Variants in BMPER observed in about 807,000 individuals in gnomAD.
BMPER encodes the protein BMP binding endothelial regulator.
A neutral mutation model predicts 87.3 loss-of-function variants in BMPER; 45 were observed. The observed-to-expected ratio is 0.52, with a 90% confidence interval of 0.41 to 0.66. BMPER has a LOEUF of 0.66. BMPER is among the 30% of genes least tolerant of loss of function. BMPER has a pLI of 0.00. For synonymous variants in BMPER, 326 were observed against 316.2 expected (o/e 1.03, Z -0.33); for missense variants, 784 against 867.5 (o/e 0.90, Z 1.21).
At chr7:33,997,870 C>T (rs770190467) in intron 6 of BMPER, among the ~76,000 whole-genome samples, 5 of 152,294 alleles carry the variant, frequency 3.3e-5, no homozygotes, top group East Asian at 1.9e-4. Context: ...TGCTTAGTGA[C>T]GTTTTTCCTA....
intron 6 of BMPER, among the ~76,000 whole-genome samples, chr7:33,992,262 G>T (rs1786244135): frequency 7.6e-6 from 1 of 131,202 alleles, no homozygotes. Context: ...AAGTCTCTTT[G>T]TAAGTCACTC....
At chr7:33,943,800 A>C (rs1356197958) in intron 3 of BMPER, among the ~76,000 whole-genome samples, 1 of 152,016 alleles carries the variant, frequency 6.6e-6, no homozygotes, top group Non-Finnish European at 1.5e-5. Flanking sequence ...CCCACTTCAC[A>C]CTGCAACATT....
At chr7:34,137,436 T>G (rs1388372732) in intron 13 of BMPER, among the ~76,000 whole-genome samples, 1 of 152,260 alleles carries the variant, frequency 6.6e-6, no homozygotes, top group African/African-American at 2.4e-5. Flanking sequence ...GAGGTTACTC[T>G]CTTTCACTCT....
At chr7:33,925,032 G>A (rs1784328278) in intron 2 of BMPER, among the ~76,000 whole-genome samples, 1 of 152,146 alleles carries the variant, frequency 6.6e-6, no homozygotes, top group East Asian at 1.9e-4. Context: ...TGTCCCGCTT[G>A]ATTTTCTCAG....
intron 6 of BMPER, among the ~76,000 whole-genome samples, chr7:34,036,404 G>T (rs2127953443): frequency 6.6e-6 from 1 of 152,264 alleles, no homozygotes; most frequent in East Asian, 1.9e-4. Flanking sequence ...GGATTTACTT[G>T]TTTATTTATT....
At chr7:34,122,500 A>G (rs556024524) in intron 13 of BMPER, among the ~76,000 whole-genome samples, 6 of 152,204 alleles carry the variant, frequency 3.9e-5, no homozygotes, top group Non-Finnish European at 8.8e-5. Flanking sequence ...ACCAGGGGTT[A>G]TAGAGATCAG....
At chr7:33,941,284 C>CT (rs1373916171) in intron 3 of BMPER, among the ~76,000 whole-genome samples, 5 of 148,120 alleles carry the variant, frequency 3.4e-5, no homozygotes, top group Non-Finnish European at 7.4e-5. Flanking sequence ...ATGGGGTCTC[C>CT]TTAGCAAAGA....
At chr7:33,998,034 T>C (rs1786467121) in intron 6 of BMPER, among the ~76,000 whole-genome samples, 1 of 152,262 alleles carries the variant, frequency 6.6e-6, no homozygotes, top group Non-Finnish European at 1.5e-5. Context: ...CCTGGTAGAA[T>C]ACAAGCTCCA....
At position 34,028,477 on chromosome 7, in the gene BMPER, G is replaced by A. The variant is rs1787419328; in HGVS notation, c.577-17829G>A. Among the ~76,000 whole-genome samples the A allele has an allele frequency of 2.0e-5, 3 of 151,764 alleles. No individual in the cohort carries two copies. The East Asian group carries it at 5.9e-4, about 30-fold the overall frequency. On this transcript the variant is annotated intron_variant, in intron 6 of 14. Transcript: ENST00000649409. Reference sequence around the variant, plus strand: ...CTTTGGTAGGTTCAATAATTTTTAAGAGAGTAAAGGGATCCTGAGATTAGA... The same window carrying A: ...CTTTGGTAGGTTCAATAATTTTTAAAAGAGTAAAGGGATCCTGAGATTAGA...
chr7:34,140,997 C>A (rs1790851082), intron 13 of BMPER, among the ~76,000 whole-genome samples: 1 of 152,126 alleles, frequency 6.6e-6, no homozygotes, highest in South Asian at 2.1e-4. Context: ...GGAACAAATT[C>A]TACTGGGAAA....
At chr7:34,067,975 T>C (rs1788636910) in intron 11 of BMPER, among the ~76,000 whole-genome samples, 2 of 152,214 alleles carry the variant, frequency 1.3e-5, no homozygotes. Flanking sequence ...TAGTACTCAG[T>C]AAGTCCTTGA....
At chr7:34,045,989 G>A (rs930455751) in intron 6 of BMPER, among the ~76,000 whole-genome samples, 8 of 152,272 alleles carry the variant, frequency 5.3e-5, no homozygotes, top group Non-Finnish European at 1.0e-4. Flanking sequence ...CCAATCCCAA[G>A]CAAACAGAGA....
intron 13 of BMPER, among the ~76,000 whole-genome samples, chr7:34,136,540 G>A (rs1790723935): frequency 6.6e-6 from 1 of 152,076 alleles, no homozygotes; most frequent in Admixed American, 6.5e-5. Flanking sequence ...ACTCAGCTAG[G>A]ACTCTGTCTT....
chr7:33,970,290 AT>A, intron 4 of BMPER, 38 bp from the exon 5 acceptor site: 1 of 1,594,144 alleles, frequency 6.3e-7, no homozygotes, highest in Non-Finnish European at 8.6e-7. Context: ...CTCCGTGGGA[AT>A]TCTGGGCTGA....
chr7:33,974,499 C>G (rs976269636), intron 5 of BMPER, among the ~76,000 whole-genome samples: 2 of 152,092 alleles, frequency 1.3e-5, no homozygotes, highest in African/African-American at 4.8e-5. Context: ...TATTTGTTTT[C>G]CAGCATCTTT....
chr7:33,943,562 A>G (rs147410380), intron 3 of BMPER, among the ~76,000 whole-genome samples: 8 of 152,370 alleles, frequency 5.3e-5, no homozygotes, highest in African/African-American at 1.9e-4. Context: ...ACAGAGACCT[A>G]GAAATCACAG....
intron 6 of BMPER, among the ~76,000 whole-genome samples, chr7:33,986,883 G>C (rs1786025293): frequency 1.3e-5 from 2 of 152,062 alleles, no homozygotes; most frequent in Non-Finnish European, 2.9e-5. Flanking sequence ...TAAAAAACCA[G>C]TTTGGTACCT....
chr7:34,038,232 G>C (rs778279298), intron 6 of BMPER, among the ~76,000 whole-genome samples: 5 of 152,254 alleles, frequency 3.3e-5, no homozygotes, highest in Non-Finnish European at 4.4e-5. Flanking sequence ...TTATAAAAGG[G>C]AAGCAGGAGG....
intron 14 of BMPER, among the ~76,000 whole-genome samples, chr7:34,148,671 G>C (rs1048696345): frequency 3.9e-5 from 6 of 152,094 alleles, no homozygotes; most frequent in African/African-American, 1.2e-4. Context: ...GACTGTGAGG[G>C]ACATACCAGT....
Sources: allele counts gnomAD v4.1 joint callset (sites outside exome capture counted in the v4.1 genomes callset), GRCh38; gene constraint gnomAD v4.1.1; transcripts MANE v1.5; gene names NCBI Gene and HGNC (gene_info 2026-07-23, HGNC 2026-07-21).